PTPRG: variants seen among roughly 807,000 people sequenced by gnomAD.
PTPRG encodes the protein protein tyrosine phosphatase receptor type G.
Under a neutral mutation model 165.3 loss-of-function variants are expected in PTPRG, and 102 were observed. The observed-to-expected ratio is 0.62, with a 90% CI of 0.53 to 0.73. The LOEUF (loss-of-function observed/expected upper bound fraction) is 0.73, where lower values mean the gene tolerates loss of function less well. Among genes scored for constraint, PTPRG ranks in the 30% least tolerant of loss-of-function variants. The pLI is 0.00. For synonymous variants in PTPRG, 675 were observed against 669.5 expected (o/e 1.01, Z -0.13); for missense variants, 1,866 against 1,861.4 (o/e 1.00, Z -0.05).
chr3:61,923,932 G>T (rs2039145083), intron 2 of PTPRG, among the ~76,000 whole-genome samples: 1 of 152,044 alleles, frequency 6.6e-6, no homozygotes. Context: ...TCATCTTCGA[G>T]AATAACTAGG....
chr3:61,696,166 TTTG>T (rs1424748148), intron 1 of PTPRG, among the ~76,000 whole-genome samples: 1 of 152,152 alleles, frequency 6.6e-6, no homozygotes, highest in African/African-American at 2.4e-5. Context: ...TTTGTGCTAT[TTTG>T]TTGTTGTTGC....
intron 1 of PTPRG, among the ~76,000 whole-genome samples, chr3:61,607,916 A>T (rs1350320564): frequency 1.3e-5 from 2 of 152,060 alleles, no homozygotes; most frequent in Non-Finnish European, 2.9e-5. Flanking sequence ...GGTGAGGATT[A>T]CCCTGTTGGA....
At chr3:62,109,906 T>C (rs1702606474) in intron 5 of PTPRG, among the ~76,000 whole-genome samples, 1 of 152,130 alleles carries the variant, frequency 6.6e-6, no homozygotes, top group South Asian at 2.1e-4. Flanking sequence ...CATCACCTAG[T>C]GGGCCATTCC....
At chr3:61,919,394 A>T (rs2039023001) in intron 2 of PTPRG, among the ~76,000 whole-genome samples, 1 of 152,222 alleles carries the variant, frequency 6.6e-6, no homozygotes, top group Admixed American at 6.5e-5. Context: ...AATAGAAAGC[A>T]AATCAAAATG....
At chr3:62,147,696 T>C (rs180821493) in intron 6 of PTPRG, among the ~76,000 whole-genome samples, 2 of 152,232 alleles carry the variant, frequency 1.3e-5, no homozygotes, top group Admixed American at 6.5e-5. Flanking sequence ...GTTTGTTTCT[T>C]CATTCTCTTT....
intron 1 of PTPRG, among the ~76,000 whole-genome samples, chr3:61,569,740 G>A (rs2106769130): frequency 6.6e-6 from 1 of 152,322 alleles, no homozygotes. Flanking sequence ...ATACGTGATG[G>A]GTTTTTGTAT....
chr3:61,927,414 C>A (rs2107575963), intron 2 of PTPRG, among the ~76,000 whole-genome samples: 1 of 152,274 alleles, frequency 6.6e-6, no homozygotes, highest in South Asian at 2.1e-4. Context: ...TTTGAGTTAA[C>A]TGTGGAGAGA....
intron 14 of PTPRG, 51 bp downstream of exon 14, chr3:62,231,362 C>A: frequency 6.9e-7 from 1 of 1,450,010 alleles, no homozygotes; most frequent in Non-Finnish European, 9.2e-7. Flanking sequence ...CCGGGACTGG[C>A]TTGCCAAATT....
chr3:62,137,497 A>G (rs1351285794), intron 6 of PTPRG, among the ~76,000 whole-genome samples: 26 of 152,158 alleles, frequency 1.7e-4, no homozygotes, highest in Admixed American at 1.6e-3. Flanking sequence ...AGGCGTGGTC[A>G]TGGAGAAGAA....
chr3:61,612,980 C>T (rs1251066834), intron 1 of PTPRG, among the ~76,000 whole-genome samples: 2 of 152,080 alleles, frequency 1.3e-5, no homozygotes, highest in Non-Finnish European at 2.9e-5. Context: ...TCCCTCCATT[C>T]CTTGCTGTCT....
chr3:61,930,225 T>C (rs4688665), intron 2 of PTPRG, among the ~76,000 whole-genome samples: 51,907 of 152,060 alleles, frequency 0.34, 9,766 homozygotes, highest in South Asian at 0.52. Context: ...TTCAGCTGTG[T>C]GTGTTTTTAG....
chr3:61,972,732 A>G (rs1472950004), intron 2 of PTPRG, among the ~76,000 whole-genome samples: 1 of 149,968 alleles, frequency 6.7e-6, no homozygotes, highest in Non-Finnish European at 1.5e-5. Context: ...GGCTTACTGC[A>G]GCCTTGATCT....
rs541626496 is a variant in PTPRG at position 62,110,416 on chromosome 3, G to A, written c.616-22186G>A. 4.5e-4 allele frequency among the ~76,000 whole-genome samples: 69 copies of A among 151,942 alleles called. 1 individual carries two copies. Among genetic ancestry groups the A allele is most frequent in the Non-Finnish European group, 9.3e-4 (63 of 67,990 alleles). On this transcript the variant is annotated intron_variant, in intron 5 of 29. Transcript: ENST00000474889. Reference sequence around the variant, plus strand: ...TCAGGTGCTGAATATTTTCCCCAGCGCGACTTTATTGAGTACAAAATAAAT... The same window carrying A: ...TCAGGTGCTGAATATTTTCCCCAGCACGACTTTATTGAGTACAAAATAAAT...
intron 2 of PTPRG, among the ~76,000 whole-genome samples, chr3:61,811,231 T>G (rs549982843): frequency 2.6e-5 from 4 of 152,260 alleles, no homozygotes; most frequent in South Asian, 2.1e-4. Flanking sequence ...TGCATGACTT[T>G]ACTTGGCCTC....
chr3:62,128,504 G>T (rs921264001), intron 5 of PTPRG, among the ~76,000 whole-genome samples: 4 of 151,972 alleles, frequency 2.6e-5, no homozygotes, highest in African/African-American at 9.7e-5. Flanking sequence ...GCATTTGTTT[G>T]TCATTCATTT....
intron 7 of PTPRG, among the ~76,000 whole-genome samples, chr3:62,159,595 A>G (rs1162514109): frequency 6.6e-6 from 1 of 152,188 alleles, no homozygotes; most frequent in Admixed American, 6.5e-5. Flanking sequence ...TGCTTTTTAA[A>G]TATCTCCTCA....
rs148703832 is a variant in PTPRG, at chr3:61,737,464, G to A, written c.86-11414G>A. Among the ~76,000 whole-genome samples, 1,103 of 152,242 alleles carry A rather than the reference G, an allele frequency of 7.2e-3. 18 individuals are homozygous for A. Among genetic ancestry groups the A allele is most frequent in the South Asian group, 0.028 (136 of 4,818 alleles). ...GAAATTATCTTTTTGATAAGCAGGA[G>A]TTAGGAGCTACTTAAGCAGATGGTG... is the stretch of plus-strand genomic sequence containing the variant. On this transcript the variant is annotated intron_variant, in intron 1 of 29. Transcript: ENST00000474889.
At position 62,195,371 on chromosome 3, in the gene PTPRG, AAAAAC is replaced by A. The variant is rs1699935115; in HGVS notation, c.1327+208_1327+212del. On this transcript the variant is annotated intron_variant, in intron 10 of 29. Transcript: ENST00000474889. The surrounding 1 kb of genome is among the most constrained non-coding windows in gnomAD (Gnocchi z 4.4). ...GGTTTTATCGGCAGAAGAGGGGAGA[AAAAAC>A]AAAACATTTTTGATTGTTTTATTGT... is the stretch of plus-strand genomic sequence containing the variant. Among the ~76,000 whole-genome samples the A allele has an allele frequency of 6.6e-6, 1 of 152,204 alleles. No individual in the cohort carries two copies. The highest frequency in any genetic ancestry group is 6.5e-5 in the Admixed American group (1 of 15,280).
intron 6 of PTPRG, among the ~76,000 whole-genome samples, chr3:62,143,587 A>G (rs1164776672): frequency 2.0e-5 from 3 of 149,290 alleles, no homozygotes; most frequent in Non-Finnish European, 3.0e-5. Flanking sequence ...TTTGCCCTTG[A>G]CTTTCTTAGC....
Sources: allele counts gnomAD v4.1 joint callset (sites outside exome capture counted in the v4.1 genomes callset), GRCh38; gene constraint gnomAD v4.1.1; non-coding constraint Gnocchi (gnomAD v3.1); transcripts MANE v1.5; gene names NCBI Gene and HGNC (gene_info 2026-07-23, HGNC 2026-07-21).